The following SHPRH variants were observed in gnomAD, a reference collection of about 807,000 sequenced individuals.
SHPRH encodes E3 ubiquitin-protein ligase SHPRH.
In SHPRH, 106 loss-of-function variants were observed where a neutral mutation model predicts 202.5. The observed-to-expected ratio is 0.52, with a 90% CI of 0.45 to 0.62. SHPRH has a LOEUF of 0.62. Ranked by LOEUF, SHPRH falls within the 20% of genes least tolerant of loss-of-function variation. The pLI is 0.00. For missense variants in SHPRH, 1,710 were observed against 2,020.0 expected, an observed-to-expected ratio of 0.85 and a Z score of 2.94; for synonymous variants, 729 against 686.0, an observed-to-expected ratio of 1.06 and a Z score of -0.98.
At position 145,910,731 on chromosome 6, in the gene SHPRH, A is replaced by G. The variant is rs539321704; in HGVS notation, c.4327-95T>C. 15 of 1,163,064 alleles carry G rather than the reference A, an allele frequency of 1.3e-5. No homozygotes were observed. In the East Asian group the frequency reaches 3.9e-4, roughly 30 times the overall value. The allele number at this position is 1,163,064 out of a possible 1,614,324, so 72.0% of individuals were successfully genotyped here. A position where few individuals can be genotyped will look rare whatever the true frequency, so the allele number is the denominator to read the frequency against. On this transcript the variant is annotated intron_variant, in intron 24 of 29. Transcript: ENST00000275233. ...AGATTCGCAATTTTTCCTCCTAAAGATTTCATAACATTAATATTCTTTGTC... is the reference window on the plus strand; with the variant it reads ...AGATTCGCAATTTTTCCTCCTAAAGGTTTCATAACATTAATATTCTTTGTC...
At chr6:145,884,667 G>C (rs1454646679), downstream of SHPRH, 1 of 152,106 alleles carries the variant, frequency 6.6e-6, no homozygotes, top group Non-Finnish European at 1.5e-5. Flanking sequence ...ATTGGAAACT[G>C]TCACAATTGT....
intron 23 of SHPRH, among the ~76,000 whole-genome samples, chr6:145,914,107 T>C (rs1783734816): frequency 6.6e-6 from 1 of 152,164 alleles, no homozygotes; most frequent in South Asian, 2.1e-4. Context: ...ATTTAGTGGC[T>C]TAAAACAAAC....
chr6:145,927,671 T>G (rs1344860456), intron 14 of SHPRH, among the ~76,000 whole-genome samples: 1 of 151,832 alleles, frequency 6.6e-6, no homozygotes, highest in Non-Finnish European at 1.5e-5. Flanking sequence ...AAGGATAAAC[T>G]TAAGGTAATT....
rs116895255 is a variant in SHPRH at position 145,930,439 on chromosome 6, T to C, written c.3112+2618A>G. Among the ~76,000 whole-genome samples, 1,509 of 152,276 alleles carry C rather than the reference T, an allele frequency of 9.9e-3. 10 individuals are homozygous for C. The highest frequency in any genetic ancestry group is 0.015 in the Non-Finnish European group (1,030 of 68,010). The stretch of plus-strand genomic sequence containing the variant: ...TGCTGCATCCCACAAATTTTGATAT[T>C]TCATTTTTATTCACTTCAAAGTATC... On this transcript the variant is annotated intron_variant, in intron 14 of 29. Coordinates refer to ENST00000275233, the MANE Select transcript of SHPRH (RefSeq NM_001042683.3).
intron 2 of SHPRH, among the ~76,000 whole-genome samples, chr6:145,870,205 C>CGTTGT (rs1779993199): frequency 6.6e-6 from 1 of 151,190 alleles, no homozygotes; most frequent in African/African-American, 2.4e-5. Context: ...TCTCTTACAA[C>CGTTGT]CTTTCTATAA....
Position 145,940,712 on chromosome 6 carries a change from C to T in SHPRH, c.2569+11G>A, listed in dbSNP as rs1348705090. 1 of 1,612,452 alleles carries T rather than the reference C, an allele frequency of 6.2e-7. No individual in the cohort carries two copies. Among genetic ancestry groups the T allele is most frequent in the African/African-American group, 1.3e-5 (1 of 74,838 alleles). ...CAAATGCATGCAATATGTGAGGAAA[C>T]CATACATTACCCTCTAATCCTCTCT... On this transcript the variant is annotated intron_variant, in intron 11 of 29. Coordinates refer to ENST00000275233, the MANE Select transcript of SHPRH (RefSeq NM_001042683.3).
At chr6:145,894,812 T>G in intron 26 of SHPRH, 73 bp downstream of exon 26, 2 of 1,333,358 alleles carry the variant, frequency 1.5e-6, no homozygotes, top group Non-Finnish European at 2.1e-6. Context: ...CAAAAATTAG[T>G]TCTCAGCTGT....
rs562681248 is a variant in SHPRH at position 145,921,385 on chromosome 6, C to T, written c.3790G>A (p.Gly1264Ser). Residue 1264 changes from glycine (G) to serine (S), a missense_variant, in exon 21 of 30, where the codon GGC (glycine) becomes AGC (serine). Around this residue, in one of 8 missense-constraint regions of SHPRH, gnomAD observed 288 missense variants for 317.8 expected, o/e 0.91. Coordinates refer to ENST00000275233, the MANE Select transcript of SHPRH (RefSeq NM_001042683.3). ...ESKLFSNTVK[G>S]QTAIFEEMIE... is the part of the protein sequence containing the mutation. ...ATCTCCTCAAATATTGCAGTCTGGC[C>T]TTTGACTCTGAAAACATACCAGAAC... is the stretch of plus-strand genomic sequence containing the variant. 5 of 1,612,194 alleles carry T rather than the reference C, an allele frequency of 3.1e-6. No homozygotes were observed. The South Asian group carries it at 5.5e-5, about 18-fold the overall frequency.
At chr6:145,862,449 A>AACAACAACAAC (rs67243210), downstream of SHPRH, among the ~76,000 whole-genome samples, 4 of 151,350 alleles carry the variant, frequency 2.6e-5, no homozygotes, top group African/African-American at 7.3e-5. Context: ...AAAAAAACAA[A>AACAACAACAAC]AACAACAACA....
chr6:145,959,127 G>A (rs985899578), intron 1 of SHPRH, among the ~76,000 whole-genome samples: 2 of 152,044 alleles, frequency 1.3e-5, no homozygotes, highest in African/African-American at 2.4e-5. Flanking sequence ...GAGCCACCGC[G>A]CCTAGCCGCA....
chr6:145,891,809 T>C (rs1256816952), intron 28 of SHPRH, among the ~76,000 whole-genome samples: 1 of 152,172 alleles, frequency 6.6e-6, no homozygotes, highest in African/African-American at 2.4e-5. Context: ...TGTTGGGTAA[T>C]GCTGAATGGC....
rs758296381 is a variant in SHPRH, at chr6:145,926,269, C to G, written c.3229G>C (p.Glu1077Gln). ...CCTGGGTGCCTGGCTATCAACAATT[C>G]CATCAAGTTATGGGTAGCATGAAGT... ...QRLHATHNLM[E>Q]LLIARHPGIP... is the part of the protein sequence containing the mutation. Residue 1077 changes from glutamate to glutamine, a missense_variant, in exon 16 of 30, where the codon GAA becomes CAA. Physicochemically the swap from Glu to Gln is conservative, Grantham distance 29. Transcript: ENST00000275233. The G allele has an allele frequency of 1.9e-6, 3 of 1,612,768 alleles. No individual in the cohort carries two copies. Among genetic ancestry groups the G allele is most frequent in the Non-Finnish European group, 1.7e-6 (2 of 1,179,156 alleles).
chr6:145,859,281 T>C (rs1779509337), downstream of SHPRH, among the ~76,000 whole-genome samples: 1 of 152,012 alleles, frequency 6.6e-6, no homozygotes, highest in Admixed American at 6.6e-5. Context: ...TCTGGAAGTT[T>C]AGTTGTTACA....
At chr6:145,882,711 C>G (rs1185002583), downstream of SHPRH, among the ~76,000 whole-genome samples, 1 of 152,122 alleles carries the variant, frequency 6.6e-6, no homozygotes, top group South Asian at 2.1e-4. Context: ...GCCAAGAGAT[C>G]AGAAGAGGCA....
intron 26 of SHPRH, 134 bp from the exon 27 acceptor site, chr6:145,894,370 T>C (rs1178393462): frequency 5.6e-6 from 3 of 540,220 alleles, no homozygotes; most frequent in Non-Finnish European, 9.3e-6. Context: ...AACCCTCAAA[T>C]GTAGTACCAT....
At chr6:145,898,263 G>T (rs1021760671) in intron 25 of SHPRH, among the ~76,000 whole-genome samples, 1 of 152,028 alleles carries the variant, frequency 6.6e-6, no homozygotes, top group African/African-American at 2.4e-5. Context: ...ATAAAAAAAT[G>T]CTTAGGAGTA....
chr6:145,878,901 G>T (rs1780427231), intron 2 of SHPRH, among the ~76,000 whole-genome samples: 1 of 152,196 alleles, frequency 6.6e-6, no homozygotes, highest in South Asian at 2.1e-4. Flanking sequence ...GGAGATAAAA[G>T]CTAATCAGTG....
chr6:145,923,472 T>C (rs1784602412), intron 18 of SHPRH, among the ~76,000 whole-genome samples, 171 bp downstream of exon 18: 1 of 151,796 alleles, frequency 6.6e-6, no homozygotes, highest in South Asian at 2.1e-4. Flanking sequence ...TATAACCATT[T>C]TGATAAACTG....
chr6:145,858,186 A>G, the SHPRH span, among the ~76,000 whole-genome samples: 34 of 152,116 alleles, frequency 2.2e-4, no homozygotes, highest in African/African-American at 8.2e-4. Context: ...CACACCTACC[A>G]TATAATCCAG....
Sources: gnomAD v4.1 joint callset for allele counts (sites outside exome capture counted in the v4.1 genomes callset) on GRCh38, gnomAD v4.1.1 for gene constraint, gnomAD v4.1.1 regional missense constraint, MANE v1.5 for transcripts, NCBI Gene and HGNC (gene_info 2026-07-23, HGNC 2026-07-21) for gene names.